CTNS: variants seen among roughly 807,000 people sequenced by gnomAD.
CTNS encodes cystinosin.
In CTNS, 27 loss-of-function variants were observed where a neutral mutation model predicts 43.7. The observed-to-expected ratio is 0.62, with a 90% confidence interval of 0.46 to 0.85. CTNS has a LOEUF of 0.85. Among genes scored for constraint, CTNS ranks in the 40% least tolerant of loss-of-function variants. The probability of loss-of-function intolerance (pLI) is 0.00; values close to 1 mark genes in which losing one functional copy is unlikely to be tolerated. For synonymous variants in CTNS, 187 were observed against 190.6 expected, an observed-to-expected ratio of 0.98 and a Z score of 0.16; for missense variants, 457 against 475.4, an observed-to-expected ratio of 0.96 and a Z score of 0.36.
chr17:3,657,743 C>T (rs957805752), intron 9 of CTNS: 2 of 554,890 alleles, frequency 3.6e-6, no homozygotes, highest in African/African-American at 1.9e-5. Flanking sequence ...AGAGTCCAAG[C>T]AGCCTGAACA....
Position 3,655,224 on chromosome 17 carries a change from G to A in CTNS, c.333G>A (p.Pro111=), listed in dbSNP as rs755169805. Residue 111 remains proline, a synonymous_variant, in exon 7 of 12, where the codon CCG becomes CCA. Transcript: ENST00000046640. The stretch of plus-strand genomic sequence containing the variant: ...CGGTCCCCAAACTCCTTTCCAGCCC[G>A]AGGATACGCTTTCTTGTGATCCGCA... ...LHGNHSNQTG[P]RIRFLVIRSS... The A allele has an allele frequency of 4.3e-6, 7 of 1,614,158 alleles. No homozygotes were observed. Among genetic ancestry groups the A allele is most frequent in the Middle Eastern group, 1.6e-4 (1 of 6,062 alleles).
In CTNS at chr17:3,654,971, C is replaced by T. The variant is rs201615488; in HGVS notation, c.226-27C>T. The stretch of plus-strand genomic sequence containing the variant: ...GGTCCTCGGTAACTGTACGTGGCAT[C>T]GGATTGAACCTCAGTCTTCCTAACA... On this transcript the variant is annotated intron_variant, in intron 5 of 11. Coordinates refer to ENST00000046640, the MANE Select transcript of CTNS (RefSeq NM_004937.3). 1.4e-4 allele frequency: 209 copies of T among 1,537,384 alleles called. 1 individual carries two copies. Among genetic ancestry groups the T allele is most frequent in the Non-Finnish European group, 5.2e-5 (58 of 1,110,088 alleles).
intron 3 of CTNS, among the ~76,000 whole-genome samples, chr17:3,644,397 A>G (rs1422250613): frequency 6.6e-6 from 1 of 152,190 alleles, no homozygotes; most frequent in East Asian, 1.9e-4. Flanking sequence ...GTGGTGCTAA[A>G]GAAGGAGGGA....
intron 7 of CTNS, among the ~76,000 whole-genome samples, chr17:3,656,157 T>TTCCACCCCC (rs1470763735): frequency 6.3e-5 from 1 of 15,806 alleles, no homozygotes; most frequent in African/African-American, 1.5e-4. Flanking sequence ...TGCCATGCCC[T>TTCCACCCCC]TCCACCCCCG....
At chr17:3,639,932 G>C (rs1281501097) in intron 2 of CTNS, among the ~76,000 whole-genome samples, 2 of 152,056 alleles carry the variant, frequency 1.3e-5, no homozygotes, top group East Asian at 3.9e-4. Flanking sequence ...GAAAAATTCT[G>C]GTCTTTGTTC....
intron 2 of CTNS, among the ~76,000 whole-genome samples, chr17:3,638,294 A>G (rs1466133938): frequency 1.3e-5 from 2 of 150,968 alleles, no homozygotes; most frequent in African/African-American, 4.9e-5. Context: ...CTGGAGTGCA[A>G]TGGTGCAATC....
chr17:3,638,226 G>GTTTTTTTTTTTTTT (rs755987456), intron 2 of CTNS, among the ~76,000 whole-genome samples: 1 of 148,920 alleles, frequency 6.7e-6, no homozygotes. Flanking sequence ...TATCAATCTG[G>GTTTTTTTTTTTTTT]TTTTTTTTTT....
At chr17:3,654,538 G>A (rs1422771173) in intron 5 of CTNS, among the ~76,000 whole-genome samples, 1 of 151,916 alleles carries the variant, frequency 6.6e-6, no homozygotes, top group African/African-American at 2.4e-5. Flanking sequence ...GCTGGGCATG[G>A]TGGCGCACAC....
At chr17:3,640,876 C>T (rs1223733659) in intron 3 of CTNS, among the ~76,000 whole-genome samples, 3 of 152,116 alleles carry the variant, frequency 2.0e-5, no homozygotes, top group African/African-American at 7.2e-5. Context: ...TGCACTCCGG[C>T]CTGGGCAACA....
chr17:3,660,201 C>G, intron 11 of CTNS, 35 bp from the exon 12 acceptor site: 1 of 1,613,756 alleles, frequency 6.2e-7, no homozygotes, highest in Non-Finnish European at 8.5e-7. Context: ...GAGCTGCCAA[C>G]CTAACACCAG....
intron 9 of CTNS, 170 bp downstream of exon 9, chr17:3,656,965 C>G: frequency 1.8e-6 from 2 of 1,082,746 alleles, no homozygotes; most frequent in Non-Finnish European, 2.7e-6. Context: ...TCAGAGCCCC[C>G]CAAGTCTGGG....
chr17:3,653,117 C>T (rs1374209937), intron 5 of CTNS, among the ~76,000 whole-genome samples: 1 of 152,168 alleles, frequency 6.6e-6, no homozygotes, highest in African/African-American at 2.4e-5. Context: ...AGAGCAAGAC[C>T]TGCCTCTCGG....
chr17:3,653,531 G>A (rs1209696707), intron 5 of CTNS, among the ~76,000 whole-genome samples: 2 of 152,134 alleles, frequency 1.3e-5, no homozygotes, highest in African/African-American at 4.8e-5. Context: ...GGAGACAGCT[G>A]GGTTCAGTAA....
chr17:3,659,955 T>C lies in CTNS; in HGVS notation c.950T>C (p.Phe317Ser), dbSNP rs1371508329. 1 of 1,613,454 alleles carries C rather than the reference T, an allele frequency of 6.2e-7. No homozygotes were observed. Among genetic ancestry groups the C allele is most frequent in the Non-Finnish European group, 8.5e-7 (1 of 1,179,876 alleles). ...GGCAGCTTCAGCCTCCTGCAGATGTTCCTCCAGTCCTACAACAACGGTGAG... is the reference window on the plus strand; with the variant it reads ...GGCAGCTTCAGCCTCCTGCAGATGTCCCTCCAGTCCTACAACAACGGTGAG... ...TGGSFSLLQM[F>S]LQSYNNDQWT... Residue 317 changes from phenylalanine to serine, a missense_variant, in exon 11 of 12, where the codon TTC becomes TCC. By Grantham distance (155) the Phe-to-Ser change is radical (BLOSUM62 -2). Transcript: ENST00000046640.
In CTNS at chr17:3,647,220, C is replaced by T. The variant is rs80308477; in HGVS notation, c.62-224C>T. Among the ~76,000 whole-genome samples, 7,060 of 152,270 alleles carry T rather than the reference C, an allele frequency of 0.046. 309 individuals are homozygous for T. Among genetic ancestry groups the T allele is most frequent in the African/African-American group, 0.12 (4,803 of 41,534 alleles). ...GCCTGTCATCGCAGCGGGAGGAGGA[C>T]GCTCCGGCGTTTCCTGCTCAGGCCT... On this transcript the variant is annotated intron_variant, in intron 3 of 11. Coordinates refer to ENST00000046640, the MANE Select transcript of CTNS (RefSeq NM_004937.3).
chr17:3,650,579 G>C, intron 5 of CTNS: 2 of 318,012 alleles, frequency 6.3e-6, no homozygotes, highest in Non-Finnish European at 1.2e-5. Flanking sequence ...ATGAGAGGGA[G>C]CTCTCCCCGC....
intron 7 of CTNS, chr17:3,655,580 A>C (rs1347055166): frequency 4.5e-6 from 2 of 449,280 alleles, no homozygotes; most frequent in East Asian, 4.9e-5. Context: ...GCAGGAAAAC[A>C]GGGAAAAGGG....
rs974373694 is a variant in CTNS at position 3,655,612 on chromosome 17, T to C, written c.461+260T>C. 5.2e-5 allele frequency: 19 copies of C among 362,406 alleles called. 3 individuals carry two copies. Among genetic ancestry groups the C allele is most frequent in the Admixed American group, 7.6e-5 (2 of 26,466 alleles). 22.4% of individuals were successfully genotyped at this position (362,406 alleles called of 1,614,324 possible). A position where few individuals can be genotyped will look rare whatever the true frequency, so the allele number is the denominator to read the frequency against. On this transcript the variant is annotated intron_variant, in intron 7 of 11. Transcript: ENST00000046640. ...AGGGGCTCCTTAGTTTAGTGGAGAA[T>C]GGGCGGGGGAGGGAGGGCAGTCCAT...
chr17:3,657,097 CAGAAGGG>C (rs948747727), intron 9 of CTNS, among the ~76,000 whole-genome samples: 7 of 149,812 alleles, frequency 4.7e-5, no homozygotes, highest in African/African-American at 1.2e-4. Context: ...GAGGAGGGCA[CAGAAGGG>C]AGGAGGGAGG....
Sources: allele counts gnomAD v4.1 joint callset (sites outside exome capture counted in the v4.1 genomes callset), GRCh38; gene constraint gnomAD v4.1.1; transcripts MANE v1.5; gene names NCBI Gene and HGNC (gene_info 2026-07-23, HGNC 2026-07-21).